THADA: variants seen among roughly 807,000 people sequenced by gnomAD.
THADA encodes the protein tRNA (32-2'-O)-methyltransferase regulator THADA.
THADA carries 213 observed loss-of-function variants against 219.8 expected under a neutral mutation model. The observed-to-expected ratio is 0.97, with a 90% CI of 0.87 to 1.09. The LOEUF (loss-of-function observed/expected upper bound fraction) is 1.09. THADA is among the 50% of genes least tolerant of loss of function. THADA has a pLI of 0.00. For synonymous variants in THADA, 1,018 were observed against 828.9 expected (o/e 1.23, Z -3.92); for missense variants, 2,956 against 2,311.3 (o/e 1.28, Z -5.72).
At chr2:43,483,301 G>C (rs929847299) in intron 26 of THADA, among the ~76,000 whole-genome samples, 5 of 152,104 alleles carry the variant, frequency 3.3e-5, no homozygotes, top group Admixed American at 1.3e-4. Flanking sequence ...ATATTGGAAG[G>C]AACAGGCATA....
intron 21 of THADA, among the ~76,000 whole-genome samples, chr2:43,530,052 T>C (rs1693667950): frequency 6.6e-6 from 1 of 152,090 alleles, no homozygotes; most frequent in African/African-American, 2.4e-5. Context: ...ACACTCAAAG[T>C]ACATCTGATT....
At chr2:43,462,685 C>T (rs1683773587) in intron 26 of THADA, among the ~76,000 whole-genome samples, 1 of 152,248 alleles carries the variant, frequency 6.6e-6, no homozygotes, top group African/African-American at 2.4e-5. Context: ...CTATCATTCT[C>T]TTATACACTG....
At chr2:43,452,775 A>T (rs571367626) in intron 26 of THADA, among the ~76,000 whole-genome samples, 12 of 152,306 alleles carry the variant, frequency 7.9e-5, no homozygotes, top group Middle Eastern at 3.4e-3. Context: ...GATCTTTTAA[A>T]ATCTAATCAT....
At chr2:43,521,120 TAGGGAAGGGAGGGAAGGTAGGGAAGGG>T (rs1558903448) in intron 22 of THADA, among the ~76,000 whole-genome samples, 1 of 59,730 alleles carries the variant, frequency 1.7e-5, no homozygotes, top group South Asian at 5.3e-4. Flanking sequence ...GGAGGGAAGG[TAGGGAAGGGAGGGAAGGTAGGGAAGGG>T]AGGGAAGGAA....
chr2:43,506,168 G>A (rs1346164340), intron 23 of THADA, among the ~76,000 whole-genome samples: 2 of 152,140 alleles, frequency 1.3e-5, no homozygotes, highest in African/African-American at 4.8e-5. Context: ...AGAATGTTAA[G>A]CCTCCCTGGA....
intron 26 of THADA, among the ~76,000 whole-genome samples, chr2:43,466,500 T>C (rs1684254334): frequency 6.6e-6 from 1 of 152,152 alleles, no homozygotes. Flanking sequence ...TTCACGCTGC[T>C]AGCACACAGT....
At chr2:43,558,455 G>A (rs1229422581) in intron 16 of THADA, among the ~76,000 whole-genome samples, 1 of 152,172 alleles carries the variant, frequency 6.6e-6, no homozygotes, top group Admixed American at 6.5e-5. Flanking sequence ...TGTTGCCAAA[G>A]GAGATTAATA....
intron 29 of THADA, among the ~76,000 whole-genome samples, chr2:43,389,951 G>A (rs1199512266): frequency 2.6e-5 from 4 of 152,152 alleles, no homozygotes; most frequent in Non-Finnish European, 4.4e-5. Context: ...AGCTTCTTGA[G>A]AGCAGAGAAT....
intron 29 of THADA, among the ~76,000 whole-genome samples, chr2:43,363,119 C>T (rs1669717339): frequency 6.6e-6 from 1 of 152,058 alleles, no homozygotes; most frequent in Admixed American, 6.6e-5. Context: ...GATAACAATG[C>T]CTAAATCAGG....
At chr2:43,547,653 T>G (rs1458823982) in intron 20 of THADA, among the ~76,000 whole-genome samples, 2 of 152,344 alleles carry the variant, frequency 1.3e-5, no homozygotes, top group East Asian at 3.9e-4. Flanking sequence ...TCCAGTGGAT[T>G]GCATCGGCTC....
chr2:43,301,347 C>T (rs558289334), intron 31 of THADA, among the ~76,000 whole-genome samples: 1 of 152,362 alleles, frequency 6.6e-6, no homozygotes, highest in East Asian at 1.9e-4. Context: ...AACGAATACG[C>T]ACTATGAATG....
intron 8 of THADA, among the ~76,000 whole-genome samples, chr2:43,581,486 G>C (rs1233811307): frequency 1.4e-5 from 2 of 147,036 alleles, no homozygotes; most frequent in African/African-American, 2.5e-5. Flanking sequence ...AGAGGTTGCA[G>C]TGAATAAACA....
At chr2:43,474,833 A>T (rs1270373370) in intron 26 of THADA, among the ~76,000 whole-genome samples, 2 of 152,218 alleles carry the variant, frequency 1.3e-5, no homozygotes, top group African/African-American at 4.8e-5. Context: ...GGAAAATTCT[A>T]GCCCTCCAAG....
chr2:43,558,285 A>C lies in THADA; in HGVS notation c.2464-1730T>G, dbSNP rs141483117. Among the ~76,000 whole-genome samples the C allele has an allele frequency of 2.0e-5, 3 of 152,240 alleles. No homozygotes were observed. The East Asian group carries it at 5.8e-4, about 29-fold the overall frequency. On this transcript the variant is annotated intron_variant, in intron 16 of 37. Coordinates refer to ENST00000405975, the MANE Select transcript of THADA (RefSeq NM_022065.5). ...TAGAGAGATCAGGTTAGCATTCAAA[A>C]ACTGCTGTACACTTAACTGTATTAA...
intron 28 of THADA, among the ~76,000 whole-genome samples, chr2:43,406,489 T>G (rs956089944): frequency 1.2e-4 from 18 of 152,216 alleles, no homozygotes; most frequent in South Asian, 8.3e-4. Flanking sequence ...AATTTGAAAC[T>G]GAATTTTTCA....
chr2:43,286,797 T>C (rs746087540), intron 35 of THADA, 111 bp downstream of exon 35: 4 of 1,229,776 alleles, frequency 3.3e-6, no homozygotes, highest in Non-Finnish European at 4.6e-6. Context: ...CTGAAAGACA[T>C]AAAGGCAGGT....
At chr2:43,432,233 G>A (rs1236488368) in intron 26 of THADA, among the ~76,000 whole-genome samples, 4 of 151,894 alleles carry the variant, frequency 2.6e-5, no homozygotes, top group South Asian at 2.1e-4. Flanking sequence ...CTTGTGATCC[G>A]CCCACCTCAG....
intron 20 of THADA, among the ~76,000 whole-genome samples, chr2:43,544,119 T>G (rs1695695056): frequency 6.6e-6 from 1 of 152,220 alleles, no homozygotes; most frequent in Non-Finnish European, 1.5e-5. Flanking sequence ...CACCATTTAT[T>G]AAATAGGGAA....
chr2:43,489,339 C>T (rs1687319974), intron 25 of THADA, among the ~76,000 whole-genome samples: 1 of 152,094 alleles, frequency 6.6e-6, no homozygotes. Flanking sequence ...TGTCACTATG[C>T]CCAGCCAGAC....
Sources: gnomAD v4.1 joint callset for allele counts (sites outside exome capture counted in the v4.1 genomes callset) on GRCh38, gnomAD v4.1.1 for gene constraint, MANE v1.5 for transcripts, NCBI Gene and HGNC (gene_info 2026-07-23, HGNC 2026-07-21) for gene names.